The following TENT5D variants were observed in gnomAD, a reference collection of about 807,000 sequenced individuals.
The protein encoded by TENT5D is cancer/testis antigen 112.
For missense variants in TENT5D, 191 were observed against 287.0 expected (o/e 0.67, Z 2.42); for synonymous variants, 103 against 100.6 (o/e 1.02, Z -0.15).
intron 1 of TENT5D, among the ~76,000 whole-genome samples, chrX:80,428,266 G>T (rs1182935086): frequency 8.9e-6 from 1 of 111,959 alleles, no homozygotes; most frequent in Non-Finnish European, 1.9e-5. Context: ...TTGTCTGTTA[G>T]CCAGAGACTT....
At chrX:80,429,469 AT>A (rs774905381) in intron 1 of TENT5D, among the ~76,000 whole-genome samples, 1,137 of 102,350 alleles carry the variant, frequency 0.011, 9 homozygotes, top group Non-Finnish European at 0.017. Context: ...CGCCCAGCTA[AT>A]TTTTTTTTTT....
intron 1 of TENT5D, among the ~76,000 whole-genome samples, chrX:80,432,686 G>A (rs1374753935): frequency 9.0e-6 from 1 of 111,532 alleles, no homozygotes; most frequent in Non-Finnish European, 1.9e-5. Flanking sequence ...CATTGTCTGA[G>A]ATAGAACATG....
At chrX:80,396,886 G>T (rs1361419721) in intron 3 of TENT5D, among the ~76,000 whole-genome samples, 1 of 91,872 alleles carries the variant, frequency 1.1e-5, no homozygotes, top group Non-Finnish European at 2.2e-5. Flanking sequence ...AGACGGGGTG[G>T]CTGGCCGGGC....
At chrX:80,427,267 C>T (rs1932004424) in intron 1 of TENT5D, among the ~76,000 whole-genome samples, 1 of 46,629 alleles carries the variant, frequency 2.1e-5, no homozygotes, top group Non-Finnish European at 4.3e-5. Flanking sequence ...TGATGTTTTT[C>T]AGCATAATTA....
intron 3 of TENT5D, among the ~76,000 whole-genome samples, chrX:80,396,776 A>G (rs1438857500): frequency 1.1e-4 from 11 of 98,535 alleles, no homozygotes; most frequent in African/African-American, 3.4e-4. Context: ...CCCGTTCTCA[A>G]TGAGCTGTTG....
chrX:80,413,574 G>A (rs746441625), intron 3 of TENT5D, among the ~76,000 whole-genome samples: 199 of 111,872 alleles, frequency 1.8e-3, no homozygotes, highest in African/African-American at 6.1e-3. Flanking sequence ...TCTTGTGATA[G>A]TGAATAAGTC....
Position 80,392,495 on chromosome X carries a change from C to CTTTTTTTTTT in TENT5D, c.-141-46092_-141-46083dup, listed in dbSNP as rs72029455. ...TTTATAGCTTTATTCTCATTTTATT[C>CTTTTTTTTTT]TTTTTTTTTTTTTTTTTTTTTTTTT... On this transcript the variant is annotated intron_variant, in intron 3 of 4. Transcript: ENST00000538312. Among the ~76,000 whole-genome samples, 129 of 24,324 alleles carry CTTTTTTTTTT rather than the reference C, an allele frequency of 5.3e-3. 23 individuals carry two copies. Among genetic ancestry groups the CTTTTTTTTTT allele is most frequent in the African/African-American group, 0.016 (82 of 5,018 alleles). 21.1% of individuals were successfully genotyped at this position (24,324 alleles called of 115,157 possible).
intron 3 of TENT5D, among the ~76,000 whole-genome samples, chrX:80,392,441 G>A (rs191593490): frequency 4.1e-3 from 389 of 95,007 alleles, no homozygotes; most frequent in Middle Eastern, 0.012. Flanking sequence ...CAATTTCTGT[G>A]ATCTTACTTG....
intron 3 of TENT5D, among the ~76,000 whole-genome samples, chrX:80,362,166 C>CT (rs1219337946): frequency 1.2e-3 from 127 of 105,489 alleles, no homozygotes; most frequent in Middle Eastern, 4.9e-3. Context: ...ATGATTTTAT[C>CT]TTTTTTTTTT....
At chrX:80,362,570 G>A (rs1259288156) in intron 3 of TENT5D, among the ~76,000 whole-genome samples, 1 of 111,808 alleles carries the variant, frequency 8.9e-6, no homozygotes, top group Non-Finnish European at 1.9e-5. Flanking sequence ...CAGCATTTTG[G>A]AGTTTTGCCC....
chrX:80,398,255 TG>T (rs1021016371), intron 3 of TENT5D, among the ~76,000 whole-genome samples: 25 of 112,210 alleles, frequency 2.2e-4, no homozygotes, highest in African/African-American at 8.1e-4. Flanking sequence ...CCATTTTTTT[TG>T]TTTGCTGTTG....
Position 80,426,639 on chromosome X carries a change from TAC to T in TENT5D, c.-142+6078_-142+6079del, listed in dbSNP as rs1182967378. 2.7e-5 allele frequency among the ~76,000 whole-genome samples: 3 copies of T among 112,454 alleles called. No homozygotes were observed. The East Asian group carries it at 8.3e-4, about 31-fold the overall frequency. On this transcript the variant is annotated intron_variant, in intron 1 of 2. Coordinates refer to ENST00000308293, the Ensembl canonical transcript of TENT5D. ...GAGTTTTCATGGTAAGATTAATTCATACAGTTTTTCCACAGTTTGCTTAAATC... is the reference window on the plus strand; with the variant it reads ...GAGTTTTCATGGTAAGATTAATTCATAGTTTTTCCACAGTTTGCTTAAATC...
upstream of TENT5D, among the ~76,000 whole-genome samples, chrX:80,416,230 G>T (rs1931770650): frequency 9.8e-6 from 1 of 102,111 alleles, no homozygotes; most frequent in African/African-American, 3.6e-5. Context: ...TTCTTTCAAA[G>T]AACCAACTCC....
rs754173978 is a variant in TENT5D, at chrX:80,425,969, G to A, written c.-142+5406G>A. Among the ~76,000 whole-genome samples, 6 of 110,902 alleles carry A rather than the reference G, an allele frequency of 5.4e-5. No individual in the cohort carries two copies. In the South Asian group the frequency reaches 2.3e-3, roughly 43 times the overall value. ...TTGAATCCGGGAGGCAGAGGTTGCA[G>A]TGAGCCAAGATCACGCCACTGCACT... On this transcript the variant is annotated intron_variant, in intron 1 of 2. Transcript: ENST00000308293.
intron 2 of TENT5D, among the ~76,000 whole-genome samples, chrX:80,440,061 G>A (rs1478180419): frequency 9.0e-6 from 1 of 111,316 alleles, no homozygotes; most frequent in Admixed American, 9.6e-5. Flanking sequence ...TGTTGCTCAC[G>A]CAAGGACACC....
chrX:80,374,720 C>T (rs772696001), intron 3 of TENT5D, among the ~76,000 whole-genome samples: 30 of 111,240 alleles, frequency 2.7e-4, no homozygotes, highest in East Asian at 2.8e-4. Context: ...CTTTAGGTCT[C>T]CCTGTGACCT....
At chrX:80,427,387 C>G (rs1443539042) in intron 1 of TENT5D, among the ~76,000 whole-genome samples, 2 of 112,232 alleles carry the variant, frequency 1.8e-5, no homozygotes, top group East Asian at 5.6e-4. Flanking sequence ...AAACATTTAG[C>G]AAACCTACTA....
exon 3 of TENT5D, chrX:80,443,823 T>C: frequency 5.9e-6 from 4 of 683,074 alleles, no homozygotes; most frequent in Admixed American, 4.0e-5. Context: ...CCAATTATTT[T>C]CAATTACAGT....
exon 3 of TENT5D, chrX:80,443,900 A>T (rs762601397): frequency 1.6e-5 from 6 of 373,140 alleles, no homozygotes; most frequent in Non-Finnish European, 2.3e-5. Flanking sequence ...AATATCTATA[A>T]ACCAACCACT....
Sources: gnomAD v4.1 joint callset for allele counts (sites outside exome capture counted in the v4.1 genomes callset) on GRCh38, gnomAD v4.1.1 for gene constraint, MANE v1.5 for transcripts, NCBI Gene and HGNC (gene_info 2026-07-23, HGNC 2026-07-21) for gene names.